The following EXOC4 variants were observed in gnomAD, a reference collection of about 807,000 sequenced individuals.
EXOC4 encodes exocyst complex component 4, also known as SEC8-like 1.
In EXOC4, 71 loss-of-function variants were observed where a neutral mutation model predicts 107.2. The ratio of observed to expected loss-of-function variants is 0.66; its 90% CI spans 0.55 to 0.81. The LOEUF is 0.81. Among genes scored for constraint, EXOC4 ranks in the 30% least tolerant of loss-of-function variants. The pLI is 0.00. For missense variants in EXOC4, 1,108 were observed against 1,189.6 expected (o/e 0.93, Z 1.01); for synonymous variants, 456 against 441.2 (o/e 1.03, Z -0.42).
intron 9 of EXOC4, chr7:133,481,021 GC>G (rs1799142173): frequency 6.7e-6 from 1 of 148,974 alleles, no homozygotes; most frequent in South Asian, 2.2e-4. Flanking sequence ...CTGCACTTCA[GC>G]CTGTGTGACA....
At position 133,574,336 on chromosome 7, in the gene EXOC4, C is replaced by G. The variant is rs77660078; in HGVS notation, c.1418-55709C>G. On this transcript the variant is annotated intron_variant, in intron 9 of 17. Transcript: ENST00000253861. ...TTACACATACACCAAAATGCACACA[C>G]TTACTTGCTTTCTTAGATATTTAGG... 1.4e-4 allele frequency among the ~76,000 whole-genome samples: 21 copies of G among 152,272 alleles called. No homozygotes were observed. In the East Asian group the frequency reaches 3.5e-3, roughly 25 times the overall value.
At chr7:133,996,543 G>T (rs1486702958) in intron 14 of EXOC4, among the ~76,000 whole-genome samples, 1 of 152,058 alleles carries the variant, frequency 6.6e-6, no homozygotes, top group Non-Finnish European at 1.5e-5. Context: ...AATCGTTTTG[G>T]AAATATATAG....
At chr7:133,798,606 A>G (rs984802963) in intron 10 of EXOC4, among the ~76,000 whole-genome samples, 1 of 152,132 alleles carries the variant, frequency 6.6e-6, no homozygotes, top group African/African-American at 2.4e-5. Context: ...TCCTCATTTT[A>G]CAGATTAGGA....
chr7:134,036,738 CAGA>C (rs1795399655), intron 17 of EXOC4, among the ~76,000 whole-genome samples: 1 of 152,202 alleles, frequency 6.6e-6, no homozygotes, highest in Non-Finnish European at 1.5e-5. Context: ...TCTGTAGAGA[CAGA>C]AGGTTTCTGT....
intron 11 of EXOC4, among the ~76,000 whole-genome samples, chr7:133,883,558 G>C (rs1799013209): frequency 6.6e-6 from 1 of 151,664 alleles, no homozygotes; most frequent in Non-Finnish European, 1.5e-5. Flanking sequence ...TGGGAGGATT[G>C]CCTGAGCCCA....
intron 7 of EXOC4, among the ~76,000 whole-genome samples, chr7:133,381,133 A>G (rs977873924): frequency 2.0e-5 from 3 of 152,172 alleles, no homozygotes; most frequent in Non-Finnish European, 4.4e-5. Context: ...GCATTTTTGA[A>G]TAAGAGGTTC....
chr7:133,548,599 G>T (rs1435378552), intron 9 of EXOC4, among the ~76,000 whole-genome samples: 1 of 152,160 alleles, frequency 6.6e-6, no homozygotes, highest in Non-Finnish European at 1.5e-5. Flanking sequence ...ATTAGCACTT[G>T]CTGCTTCACC....
chr7:133,989,184 ACTCACGTTTGCAGCTGGGATT>A (rs1045615793), intron 14 of EXOC4, among the ~76,000 whole-genome samples: 1 of 152,158 alleles, frequency 6.6e-6, no homozygotes, highest in East Asian at 1.9e-4. Context: ...CAAAAATTAC[ACTCACGTTTGCAGCTGGGATT>A]CCCAGATTGA....
intron 9 of EXOC4, among the ~76,000 whole-genome samples, chr7:133,517,176 C>A (rs904152548): frequency 4.0e-5 from 6 of 151,894 alleles, no homozygotes; most frequent in Non-Finnish European, 7.4e-5. Flanking sequence ...TTTGAAACTG[C>A]ATGGGAGGGA....
At chr7:133,927,434 G>C (rs1485751648) in intron 13 of EXOC4, among the ~76,000 whole-genome samples, 1 of 152,174 alleles carries the variant, frequency 6.6e-6, no homozygotes, top group Non-Finnish European at 1.5e-5. Context: ...GTTCCTGTTG[G>C]GAATTTGAAA....
intron 10 of EXOC4, among the ~76,000 whole-genome samples, chr7:133,678,935 T>G (rs577715441): frequency 1.3e-5 from 2 of 152,170 alleles, no homozygotes; most frequent in Non-Finnish European, 2.9e-5. Context: ...CCACTGTCTT[T>G]ATGGCTCCTC....
chr7:134,048,035 T>G (rs1795696151), intron 17 of EXOC4, among the ~76,000 whole-genome samples: 1 of 152,194 alleles, frequency 6.6e-6, no homozygotes, highest in East Asian at 1.9e-4. Flanking sequence ...GCTGATTGGT[T>G]GAGTCACAGA....
At chr7:133,277,239 A>G (rs1030986163) in intron 2 of EXOC4, among the ~76,000 whole-genome samples, 3 of 152,314 alleles carry the variant, frequency 2.0e-5, no homozygotes, top group Non-Finnish European at 4.4e-5. Context: ...CTTGCTCTAG[A>G]TTTAAAGTAA....
chr7:133,595,694 G>A (rs1394634101), intron 9 of EXOC4, among the ~76,000 whole-genome samples: 1 of 152,154 alleles, frequency 6.6e-6, no homozygotes, highest in Non-Finnish European at 1.5e-5. Flanking sequence ...TCAGTGCAAG[G>A]TCACATAATT....
chr7:133,647,069 T>C (rs1313498385), intron 10 of EXOC4, among the ~76,000 whole-genome samples: 2 of 152,204 alleles, frequency 1.3e-5, no homozygotes, highest in East Asian at 3.8e-4. Flanking sequence ...TTGCTTGCAT[T>C]GCTCACATCC....
At chr7:133,379,028 AT>A in intron 7 of EXOC4, among the ~76,000 whole-genome samples, 1 of 152,272 alleles carries the variant, frequency 6.6e-6, no homozygotes, top group South Asian at 2.1e-4. Flanking sequence ...TAATTTTAAA[AT>A]TGTAGAAAAG....
chr7:133,378,449 CTTGAT>C (rs935840669), intron 7 of EXOC4, among the ~76,000 whole-genome samples: 1 of 149,462 alleles, frequency 6.7e-6, no homozygotes, highest in African/African-American at 2.5e-5. Context: ...CCCCACATTT[CTTGAT>C]TTATTTTTAT....
intron 3 of EXOC4, among the ~76,000 whole-genome samples, chr7:133,291,823 A>G (rs1489647506): frequency 2.6e-5 from 4 of 152,034 alleles, no homozygotes; most frequent in African/African-American, 7.3e-5. Flanking sequence ...TCTTTCTTCT[A>G]TATAGTCTGT....
intron 13 of EXOC4, among the ~76,000 whole-genome samples, chr7:133,926,274 C>G (rs1303594955): frequency 6.6e-6 from 1 of 152,184 alleles, no homozygotes; most frequent in African/African-American, 2.4e-5. Flanking sequence ...AGGTAATTGA[C>G]TCTGACTTCC....
Sources: allele counts gnomAD v4.1 joint callset (sites outside exome capture counted in the v4.1 genomes callset), GRCh38; gene constraint gnomAD v4.1.1; transcripts MANE v1.5; gene names NCBI Gene and HGNC (gene_info 2026-07-23, HGNC 2026-07-21).